Variants in MBNL2 observed in about 807,000 individuals in gnomAD.
MBNL2 encodes muscleblind like splicing regulator 2, also known as muscleblind-like protein 2.
A neutral mutation model predicts 41.9 loss-of-function variants in MBNL2; 17 were observed. The ratio of observed to expected loss-of-function variants is 0.41; its 90% CI spans 0.28 to 0.61. MBNL2 has a LOEUF of 0.61. MBNL2 is among the 20% of genes least tolerant of loss of function. The pLI is 0.35. For missense variants in MBNL2, 336 were observed against 505.6 expected (o/e 0.66, Z 3.22); for synonymous variants, 195 against 182.9 (o/e 1.07, Z -0.53).
chr13:97,291,307 T>C (rs530756944), intron 2 of MBNL2, among the ~76,000 whole-genome samples: 7 of 152,142 alleles, frequency 4.6e-5, no homozygotes, highest in African/African-American at 1.2e-4. Flanking sequence ...AGTGGTGCAG[T>C]CTTGGCTCAC....
chr13:97,319,477 C>T (rs544147742), intron 2 of MBNL2, among the ~76,000 whole-genome samples: 1 of 152,280 alleles, frequency 6.6e-6, no homozygotes, highest in East Asian at 1.9e-4. Context: ...CAGGCCTCTC[C>T]CCTGTCCTCC....
the MBNL2 span, among the ~76,000 whole-genome samples, chr13:97,178,739 T>A: frequency 0.096 from 14,512 of 151,816 alleles, 762 homozygotes; most frequent in South Asian, 0.17. Context: ...CTACATAAAA[T>A]TACAAAAATT....
intron 5 of MBNL2, among the ~76,000 whole-genome samples, chr13:97,355,138 T>C (rs988138579): frequency 3.3e-5 from 5 of 152,240 alleles, no homozygotes; most frequent in Non-Finnish European, 7.3e-5. Context: ...TGTCAGCTCA[T>C]TGTTTTTAAC....
At chr13:97,285,010 G>A (rs1026885769) in intron 2 of MBNL2, among the ~76,000 whole-genome samples, 1 of 152,172 alleles carries the variant, frequency 6.6e-6, no homozygotes, top group African/African-American at 2.4e-5. Context: ...TTATTAAGGT[G>A]TAAGGAGAAA....
chr13:97,389,410 A>G (rs1012382133), intron 8 of MBNL2, among the ~76,000 whole-genome samples: 1 of 152,200 alleles, frequency 6.6e-6, no homozygotes, highest in Admixed American at 6.5e-5. Flanking sequence ...TTATATATCA[A>G]TTTAAGAAAC....
At chr13:97,386,118 G>T (rs1280580770) in intron 8 of MBNL2, among the ~76,000 whole-genome samples, 1 of 152,080 alleles carries the variant, frequency 6.6e-6, no homozygotes, top group Non-Finnish European at 1.5e-5. Flanking sequence ...TCTTTCTTTG[G>T]GCGAAAGCCA....
At chr13:97,256,471 C>T (rs2047554033) in intron 1 of MBNL2, among the ~76,000 whole-genome samples, 1 of 152,088 alleles carries the variant, frequency 6.6e-6, no homozygotes, top group South Asian at 2.1e-4. Flanking sequence ...AACTCATAGT[C>T]AGACGTAATA....
At chr13:97,343,737 G>T (rs1232077722) in intron 4 of MBNL2, among the ~76,000 whole-genome samples, 1 of 152,210 alleles carries the variant, frequency 6.6e-6, no homozygotes, top group Non-Finnish European at 1.5e-5. Context: ...GTGTGTTCTG[G>T]CATATTAGTT....
the MBNL2 span, among the ~76,000 whole-genome samples, chr13:97,214,036 C>G: frequency 6.6e-6 from 1 of 152,196 alleles, no homozygotes; most frequent in Admixed American, 6.5e-5. Context: ...CAGTCTTGTG[C>G]TAGAACCCAC....
At chr13:97,185,521 G>A in the MBNL2 span, among the ~76,000 whole-genome samples, 101 of 152,284 alleles carry the variant, frequency 6.6e-4, no homozygotes, top group Middle Eastern at 3.4e-3. Flanking sequence ...TGAGCTCAAT[G>A]TACTCACAAT....
intron 2 of MBNL2, among the ~76,000 whole-genome samples, chr13:97,277,724 C>A (rs1194605193): frequency 6.6e-6 from 1 of 152,174 alleles, no homozygotes; most frequent in Non-Finnish European, 1.5e-5. Flanking sequence ...CTGTAATCTA[C>A]ATCAATACCT....
intron 2 of MBNL2, among the ~76,000 whole-genome samples, chr13:97,328,154 T>A (rs991419037): frequency 1.3e-5 from 2 of 150,754 alleles, no homozygotes; most frequent in South Asian, 4.2e-4. Context: ...AGTCCAGTTC[T>A]GAGACGGTTT....
chr13:97,374,839 G>C (rs532348269), intron 8 of MBNL2, among the ~76,000 whole-genome samples: 5 of 152,258 alleles, frequency 3.3e-5, no homozygotes, highest in Non-Finnish European at 7.3e-5. Flanking sequence ...TGAATATATA[G>C]TTCATCCTAT....
In MBNL2 at chr13:97,393,275, G is replaced by T. The variant is rs1460088391; in HGVS notation, c.*1826G>T. On this transcript the variant is annotated 3_prime_UTR_variant, in exon 9 of 9. Transcript: ENST00000679496. ...CATTCAAACTTGTTTTCTTTTTTCT[G>T]TTTTTTTCTTTGTTAATTCATTTAA... The T allele has an allele frequency of 6.6e-6, 1 of 151,828 alleles. No individual in the cohort carries two copies. The highest frequency in any genetic ancestry group is 1.5e-5 in the Non-Finnish European group (1 of 67,716). The allele number at this position is 151,828 out of a possible 1,614,324, so 9.4% of individuals were successfully genotyped here.
intron 1 of MBNL2, among the ~76,000 whole-genome samples, chr13:97,226,504 A>G (rs2041628708): frequency 6.6e-6 from 1 of 152,232 alleles, no homozygotes; most frequent in Non-Finnish European, 1.5e-5. Context: ...TGTGTACAAA[A>G]ATAAATGATG....
At chr13:97,241,848 G>A (rs1393672805) in intron 1 of MBNL2, among the ~76,000 whole-genome samples, 1 of 152,200 alleles carries the variant, frequency 6.6e-6, no homozygotes, top group Non-Finnish European at 1.5e-5. Context: ...TCCAATTGGA[G>A]TGGGCCTTGT....
In MBNL2 at chr13:97,275,291, A is replaced by G. The variant is rs527848927; in HGVS notation, c.-604-341A>G. 3.3e-5 allele frequency among the ~76,000 whole-genome samples: 5 copies of G among 152,340 alleles called. No individual in the cohort carries two copies. The South Asian group carries it at 1.0e-3, about 32-fold the overall frequency. On this transcript the variant is annotated intron_variant, in intron 1 of 8. Transcript: ENST00000679496. ...TATAGCATTCCCAACAATAAAATCA[A>G]TGGCCTAAATGTGAAATTAATTGGA...
chr13:97,346,793 C>G lies in MBNL2; in HGVS notation c.541-11C>G. On this transcript the variant is annotated splice_polypyrimidine_tract_variant and intron_variant, in intron 4 of 8. Transcript: ENST00000679496. This position sits in a 1 kb window ranked among gnomAD's most constrained non-coding sequence, Gnocchi z 4.2. Reference sequence around the variant, plus strand: ...TTGCCTCTGCAGCGCGGCTCTTCTTCCCTGTCTTAGGTATGCAGGGAGTTC... The same window carrying G: ...TTGCCTCTGCAGCGCGGCTCTTCTTGCCTGTCTTAGGTATGCAGGGAGTTC... 14 of 1,612,834 alleles carry G rather than the reference C, an allele frequency of 8.7e-6. No individual in the cohort carries two copies. Among genetic ancestry groups the G allele is most frequent in the Non-Finnish European group, 1.2e-5 (14 of 1,179,162 alleles).
the MBNL2 span, among the ~76,000 whole-genome samples, chr13:97,164,186 T>G: frequency 2.6e-5 from 4 of 152,280 alleles, no homozygotes; most frequent in Non-Finnish European, 5.9e-5. Context: ...TTTTGTATTT[T>G]TATTAGAGAC....
Sources: gnomAD v4.1 joint callset for allele counts (sites outside exome capture counted in the v4.1 genomes callset) on GRCh38, gnomAD v4.1.1 for gene constraint, Gnocchi (gnomAD v3.1) non-coding constraint, MANE v1.5 for transcripts, NCBI Gene and HGNC (gene_info 2026-07-23, HGNC 2026-07-21) for gene names.